Variants in POU2F3 observed in about 807,000 individuals in gnomAD.
The protein encoded by POU2F3 is POU domain, class 2, transcription factor 3.
Under a neutral mutation model 59.2 loss-of-function variants are expected in POU2F3, and 23 were observed. That is an observed-to-expected ratio of 0.39 (90% confidence interval 0.28 to 0.55). The LOEUF is 0.55. POU2F3 is among the 20% of genes least tolerant of loss of function. The pLI is 0.66. For missense variants in POU2F3, 473 were observed against 544.5 expected (o/e 0.87, Z 1.31); for synonymous variants, 190 against 214.6 (o/e 0.89, Z 1.00).
At chr11:120,308,620 C>T (rs1941563339) in intron 9 of POU2F3, among the ~76,000 whole-genome samples, 1 of 151,982 alleles carries the variant, frequency 6.6e-6, no homozygotes. Flanking sequence ...TCATTTTCTG[C>T]TTTGAGACAG....
At chr11:120,265,751 C>T (rs1211083072) in intron 2 of POU2F3, 1 of 152,180 alleles carries the variant, frequency 6.6e-6, no homozygotes, top group African/African-American at 2.4e-5. Flanking sequence ...TGACCCTCTC[C>T]AAGTCAAACT....
chr11:120,317,285 C>T lies in POU2F3; in HGVS notation c.1192C>T (p.Leu398Phe). 6.2e-7 allele frequency: 1 copy of T among 1,614,064 alleles called. No individual in the cohort carries two copies. Among genetic ancestry groups the T allele is most frequent in the Non-Finnish European group, 8.5e-7 (1 of 1,179,898 alleles). ...NSRPSSPGSG[L>F]HASSPTASQN... ...CAGGCCTTCATCTCCTGGCTCAGGA[C>T]TCCACGCCAGCAGCCCCACTGCATC... Residue 398 changes from leucine to phenylalanine, a missense_variant, in exon 12 of 13, where the codon CTC becomes TTC. Coordinates refer to ENST00000543440, the MANE Select transcript of POU2F3 (RefSeq NM_014352.4).
Position 120,305,861 on chromosome 11 carries a change from G to A in POU2F3, c.769+76G>A, listed in dbSNP as rs920200752. ...AGGGCCAGTGACTTGTCGTGTTGGG[G>A]CTTTTGGGAGTTTGATACCTAACAC... On this transcript the variant is annotated intron_variant, in intron 8 of 12. Transcript: ENST00000543440. The A allele has an allele frequency of 8.0e-5, 124 of 1,555,216 alleles. No homozygotes were observed. In the African/African-American group the frequency reaches 1.4e-3, roughly 18 times the overall value.
At chr11:120,237,374 T>C (rs1184027096), upstream of POU2F3, among the ~76,000 whole-genome samples, 1 of 152,086 alleles carries the variant, frequency 6.6e-6, no homozygotes, top group Admixed American at 6.5e-5. Context: ...CACTCCAAGT[T>C]TGGAACCCAA....
chr11:120,296,490 A>G (rs143252402), intron 3 of POU2F3, among the ~76,000 whole-genome samples: 289 of 152,284 alleles, frequency 1.9e-3, no homozygotes, highest in South Asian at 3.9e-3. Flanking sequence ...TGTACAGATT[A>G]TTTCATCACC....
chr11:120,283,456 C>G (rs1485038899), intron 3 of POU2F3, among the ~76,000 whole-genome samples: 8 of 151,888 alleles, frequency 5.3e-5, no homozygotes, highest in Non-Finnish European at 8.8e-5. Flanking sequence ...CTCTGAGGAT[C>G]TGGGGAGTCC....
upstream of POU2F3, among the ~76,000 whole-genome samples, chr11:120,239,833 C>G (rs1261517250): frequency 6.6e-6 from 1 of 152,234 alleles, no homozygotes; most frequent in East Asian, 1.9e-4. Context: ...GCTTACACTT[C>G]GCGATCTGTC....
chr11:120,289,559 C>T (rs573763982), intron 3 of POU2F3, among the ~76,000 whole-genome samples: 3 of 152,270 alleles, frequency 2.0e-5, no homozygotes, highest in African/African-American at 7.2e-5. Flanking sequence ...ACCCGCCTGT[C>T]CTCTCCCTCC....
At chr11:120,249,500 G>A (rs1435824353) in intron 2 of POU2F3, among the ~76,000 whole-genome samples, 4 of 152,084 alleles carry the variant, frequency 2.6e-5, no homozygotes, top group South Asian at 2.1e-4. Context: ...ATGAGCCACC[G>A]CACCGGGACT....
intron 2 of POU2F3, among the ~76,000 whole-genome samples, chr11:120,260,550 C>T (rs563900481): frequency 2.0e-5 from 3 of 152,328 alleles, no homozygotes; most frequent in Admixed American, 2.0e-4. Flanking sequence ...TCCTGGGGCT[C>T]CCCAGAATTT....
At chr11:120,264,096 C>T (rs879679977) in intron 2 of POU2F3, among the ~76,000 whole-genome samples, 17 of 152,142 alleles carry the variant, frequency 1.1e-4, no homozygotes, top group African/African-American at 4.1e-4. Context: ...AAGAGCTGGG[C>T]GCAGTGGCTC....
intron 9 of POU2F3, among the ~76,000 whole-genome samples, chr11:120,308,520 C>A (rs528386002): frequency 3.3e-5 from 5 of 152,218 alleles, no homozygotes; most frequent in South Asian, 4.1e-4. Context: ...GGCTAGAGAC[C>A]AGGTGTGAAG....
chr11:120,276,423 A>G (rs371213507), intron 3 of POU2F3, among the ~76,000 whole-genome samples: 2 of 152,042 alleles, frequency 1.3e-5, no homozygotes, highest in African/African-American at 2.4e-5. Flanking sequence ...AGTGGGTCCA[A>G]TGGAGGGAGG....
intron 4 of POU2F3, among the ~76,000 whole-genome samples, chr11:120,298,847 C>T (rs77022153): frequency 2.0e-3 from 301 of 152,304 alleles, no homozygotes; most frequent in South Asian, 4.1e-3. Context: ...GTTCACATGA[C>T]GAGACCTCTT....
chr11:120,268,319 G>C (rs1362298337), intron 2 of POU2F3, among the ~76,000 whole-genome samples: 1 of 151,918 alleles, frequency 6.6e-6, no homozygotes, highest in African/African-American at 2.4e-5. Context: ...AAAAAGCTTT[G>C]CTTTTCTTCC....
chr11:120,245,142 G>A (rs185091366), intron 1 of POU2F3, among the ~76,000 whole-genome samples: 21 of 152,222 alleles, frequency 1.4e-4, no homozygotes, highest in African/African-American at 5.1e-4. Flanking sequence ...TATTTCTGGG[G>A]TATTCTAGCC....
At chr11:120,315,798 G>A (rs1169643389) in intron 11 of POU2F3, among the ~76,000 whole-genome samples, 1 of 151,428 alleles carries the variant, frequency 6.6e-6, no homozygotes, top group Non-Finnish European at 1.5e-5. Context: ...GCATGCCCAA[G>A]GGTGGCCAGG....
upstream of POU2F3, chr11:120,236,738 C>CTCATCTAACTGAAATGA: frequency 6.9e-7 from 1 of 1,446,538 alleles, no homozygotes; most frequent in Non-Finnish European, 9.4e-7. Context: ...CCCATTCTAG[C>CTCATCTAACTGAAATGA]TCATCTAACT....
intron 2 of POU2F3, among the ~76,000 whole-genome samples, chr11:120,257,612 G>C (rs1307320332): frequency 6.6e-6 from 1 of 152,126 alleles, no homozygotes; most frequent in Non-Finnish European, 1.5e-5. Flanking sequence ...ACTCCAGAGA[G>C]GAGGGGAGAG....
Sources: allele counts gnomAD v4.1 joint callset (sites outside exome capture counted in the v4.1 genomes callset), GRCh38; gene constraint gnomAD v4.1.1; transcripts MANE v1.5; gene names NCBI Gene and HGNC (gene_info 2026-07-23, HGNC 2026-07-21).